Variants in RPA1 observed in about 807,000 individuals in gnomAD.
RPA1 encodes replication protein A 70 kDa DNA-binding subunit.
Under a neutral mutation model 83.0 loss-of-function variants are expected in RPA1, and 49 were observed. The ratio of observed to expected loss-of-function variants is 0.59; its 90% CI spans 0.47 to 0.75. RPA1 has a LOEUF of 0.75. RPA1 is among the 30% of genes least tolerant of loss of function. RPA1 has a pLI of 0.00. For synonymous variants in RPA1, 279 were observed against 281.8 expected (o/e 0.99, Z 0.10); for missense variants, 693 against 776.1 (o/e 0.89, Z 1.27).
Position 1,853,188 on chromosome 17 carries a change from A to C in RPA1, c.360A>C (p.Glu120Asp). The C allele has an allele frequency of 6.2e-7, 1 of 1,613,186 alleles. No individual in the cohort carries two copies. The highest frequency in any genetic ancestry group is 8.5e-7 in the Non-Finnish European group (1 of 1,179,108). Residue 120 changes from glutamate (E) to aspartate (D), a missense_variant and splice_region_variant, in exon 5 of 17, where the codon GAA (glutamate) becomes GAC (aspartate). By Grantham distance (45) the Glu-to-Asp change is conservative. Transcript: ENST00000254719. ...VKIGNPVPYN[E>D]GLGQPQVAPP... is the part of the protein sequence containing the mutation. ...TTGGCAATCCAGTGCCCTATAATGA[A>C]GGTAAAATGCTTTGGCGTAGGTTGT...
At chr17:1,874,564 G>A (rs1449770475) in intron 6 of RPA1, among the ~76,000 whole-genome samples, 2 of 152,214 alleles carry the variant, frequency 1.3e-5, no homozygotes, top group Non-Finnish European at 2.9e-5. Flanking sequence ...AAATGAACTG[G>A]ATGTGTACTG....
In RPA1 at chr17:1,880,573, G is replaced by A. The variant is rs771754941; in HGVS notation, c.1123G>A (p.Val375Met). 84 of 1,613,898 alleles carry A rather than the reference G, an allele frequency of 5.2e-5. No individual in the cohort carries two copies. Among genetic ancestry groups the A allele is most frequent in the Non-Finnish European group, 6.6e-5 (78 of 1,180,000 alleles). ...ADKFDGSRQP[V>M]LAIKGARVSD... ...TAAATTTGATGGTTCTAGACAGCCC[G>A]TGTTGGCTATCAAAGGAGCCCGAGT... Residue 375 changes from valine to methionine, a missense_variant, in exon 12 of 17, where the codon GTG becomes ATG. Val to Met is a conservative substitution (Grantham distance 21). Transcript: ENST00000254719.
At chr17:1,880,762 T>C (rs927617697) in intron 12 of RPA1, 71 bp downstream of exon 12, 7 of 1,584,946 alleles carry the variant, frequency 4.4e-6, no homozygotes, top group East Asian at 4.5e-5. Context: ...ACAATCAGCA[T>C]GGGAGCTTTC....
intron 5 of RPA1, among the ~76,000 whole-genome samples, chr17:1,860,529 G>A (rs988662324): frequency 6.6e-6 from 1 of 152,178 alleles, no homozygotes; most frequent in African/African-American, 2.4e-5. Flanking sequence ...ATCCCATTGA[G>A]TGTATTTTTC....
At chr17:1,860,902 T>C (rs1348996140) in intron 5 of RPA1, among the ~76,000 whole-genome samples, 1 of 152,188 alleles carries the variant, frequency 6.6e-6, no homozygotes, top group Non-Finnish European at 1.5e-5. Flanking sequence ...GGTGTGTTGC[T>C]TTTAAGATTT....
At chr17:1,889,748 C>A (rs1914133950) in intron 14 of RPA1, among the ~76,000 whole-genome samples, 1 of 152,036 alleles carries the variant, frequency 6.6e-6, no homozygotes, top group Admixed American at 6.6e-5. Flanking sequence ...TTTTGTAATC[C>A]CAGCACTTTG....
At position 1,863,634 on chromosome 17, in the gene RPA1, C is replaced by T. The variant is rs555675688; in HGVS notation, c.362-8800C>T. Among the ~76,000 whole-genome samples the T allele has an allele frequency of 3.9e-4, 60 of 152,332 alleles. 1 individual carries two copies. Among genetic ancestry groups the T allele is most frequent in the African/African-American group, 1.3e-3 (52 of 41,576 alleles). On this transcript the variant is annotated intron_variant, in intron 5 of 16. Coordinates refer to ENST00000254719, the MANE Select transcript of RPA1 (RefSeq NM_002945.5). ...TCTCCCAATGTGCTGGGATTACGAA[C>T]GTGAGCCCCTGCAGGGGGCCGACAT... is the stretch of plus-strand genomic sequence containing the variant.
At chr17:1,847,431 C>G (rs921851982) in intron 4 of RPA1, among the ~76,000 whole-genome samples, 1 of 152,212 alleles carries the variant, frequency 6.6e-6, no homozygotes, top group Admixed American at 6.5e-5. Context: ...TCTCCAGTCA[C>G]GGAGACAGCT....
At chr17:1,849,619 T>G (rs1432313625) in intron 4 of RPA1, among the ~76,000 whole-genome samples, 2 of 124,144 alleles carry the variant, frequency 1.6e-5, no homozygotes, top group African/African-American at 3.0e-5. Flanking sequence ...TGTCATTTTG[T>G]TTTTTTTTTT....
chr17:1,830,139 C>G lies in RPA1; in HGVS notation c.33+13C>G. Reference sequence around the variant, plus strand: ...GGGGGCCATTGCGGTGAGGAGGTGCCGGGGGCTGGGCCGGCGGTCCGGGGT... The same window carrying G: ...GGGGGCCATTGCGGTGAGGAGGTGCGGGGGGCTGGGCCGGCGGTCCGGGGT... On this transcript the variant is annotated intron_variant, in intron 1 of 16. Coordinates refer to ENST00000254719, the MANE Select transcript of RPA1 (RefSeq NM_002945.5). 8.1e-7 allele frequency: 1 copy of G among 1,237,354 alleles called. No homozygotes were observed. The allele number at this position is 1,237,354 out of a possible 1,614,324, so 76.6% of individuals were successfully genotyped here.
At chr17:1,835,561 T>C (rs976131191) in intron 1 of RPA1, among the ~76,000 whole-genome samples, 1 of 152,168 alleles carries the variant, frequency 6.6e-6, no homozygotes, top group African/African-American at 2.4e-5. Flanking sequence ...CCACCCAACC[T>C]TCCCCTTGAA....
At chr17:1,881,686 G>A (rs1448923406) in intron 12 of RPA1, among the ~76,000 whole-genome samples, 1 of 152,096 alleles carries the variant, frequency 6.6e-6, no homozygotes, top group Non-Finnish European at 1.5e-5. Context: ...CATTAAAATT[G>A]CATTCCCACA....
At chr17:1,874,011 AAATAT>A (rs1430294994) in intron 6 of RPA1, among the ~76,000 whole-genome samples, 2 of 101,558 alleles carry the variant, frequency 2.0e-5, no homozygotes, top group Non-Finnish European at 3.6e-5. Flanking sequence ...AAAAAAAAAA[AAATAT>A]ATATATATAT....
intron 12 of RPA1, among the ~76,000 whole-genome samples, chr17:1,883,242 C>T (rs576431182): frequency 1.1e-4 from 16 of 152,124 alleles, no homozygotes; most frequent in African/African-American, 3.1e-4. Context: ...CTGCAACCTC[C>T]GCCTCCTGAG....
chr17:1,854,273 A>C (rs572923985), intron 5 of RPA1: 1 of 152,354 alleles, frequency 6.6e-6, no homozygotes, highest in South Asian at 2.1e-4. Context: ...ATTTGACACC[A>C]AAATAAATTT....
chr17:1,895,796 C>T (rs1167375561), intron 16 of RPA1, among the ~76,000 whole-genome samples: 2 of 151,832 alleles, frequency 1.3e-5, no homozygotes, highest in South Asian at 2.1e-4. Context: ...GATTCTCCTG[C>T]CTTAGCCCCT....
At chr17:1,836,678 T>TC (rs1406091872) in intron 1 of RPA1, among the ~76,000 whole-genome samples, 4 of 151,236 alleles carry the variant, frequency 2.6e-5, no homozygotes, top group Non-Finnish European at 5.9e-5. Flanking sequence ...TTTTTTTTTT[T>TC]CCCCAGAGGT....
chr17:1,888,981 G>A (rs762593571), intron 14 of RPA1, 130 bp downstream of exon 14: 80 of 942,688 alleles, frequency 8.5e-5, no homozygotes, highest in Non-Finnish European at 1.2e-4. Flanking sequence ...AGGTGTGGAA[G>A]AGCTTATCCA....
chr17:1,846,248 A>G (rs76620906), intron 4 of RPA1, among the ~76,000 whole-genome samples: 1 of 148,488 alleles, frequency 6.7e-6, no homozygotes, highest in Non-Finnish European at 1.5e-5. Flanking sequence ...CTGGCATTGA[A>G]TGTTGATCTG....
Sources: allele counts gnomAD v4.1 joint callset (sites outside exome capture counted in the v4.1 genomes callset), GRCh38; gene constraint gnomAD v4.1.1; transcripts MANE v1.5; gene names NCBI Gene and HGNC (gene_info 2026-07-23, HGNC 2026-07-21).